Variants in DLG2 observed in about 807,000 individuals in gnomAD.
DLG2 encodes the protein discs large MAGUK scaffold protein 2.
A neutral mutation model predicts 132.5 loss-of-function variants in DLG2; 45 were observed. The observed-to-expected ratio is 0.34, with a 90% CI of 0.27 to 0.44. The LOEUF (loss-of-function observed/expected upper bound fraction) is 0.44. Among genes scored for constraint, DLG2 ranks in the 20% least tolerant of loss-of-function variants. DLG2 has a pLI of 1.00. For synonymous variants in DLG2, 424 were observed against 419.6 expected, an observed-to-expected ratio of 1.01 and a Z score of -0.13; for missense variants, 1,045 against 1,196.9, an observed-to-expected ratio of 0.87 and a Z score of 1.87.
chr11:85,501,135 C>A (rs1196795047), intron 3 of DLG2, among the ~76,000 whole-genome samples: 1 of 152,144 alleles, frequency 6.6e-6, no homozygotes, highest in African/African-American at 2.4e-5. Flanking sequence ...ACCACCTGAT[C>A]TTTGACAAAC....
chr11:84,079,216 C>T (rs187906749), intron 10 of DLG2, among the ~76,000 whole-genome samples: 5 of 151,948 alleles, frequency 3.3e-5, no homozygotes, highest in Admixed American at 2.6e-4. Flanking sequence ...TTTGCCAACA[C>T]CTTAGTTCAA....
chr11:84,410,974 T>C (rs370839742), intron 7 of DLG2, among the ~76,000 whole-genome samples: 1 of 152,194 alleles, frequency 6.6e-6, no homozygotes, highest in Non-Finnish European at 1.5e-5. Flanking sequence ...ATTTTCCTGT[T>C]CATTGTGCTT....
intron 16 of DLG2, among the ~76,000 whole-genome samples, chr11:83,835,668 G>A (rs2055940587): frequency 6.6e-6 from 1 of 152,150 alleles, no homozygotes; most frequent in African/African-American, 2.4e-5. Flanking sequence ...AAATCTAGCA[G>A]GTTAAAACCA....
intron 4 of DLG2, among the ~76,000 whole-genome samples, chr11:85,225,323 A>T (rs1595522235): frequency 6.6e-6 from 1 of 152,096 alleles, no homozygotes; most frequent in African/African-American, 2.4e-5. Flanking sequence ...GCTCATGAAG[A>T]TCCTGTCCCA....
intron 6 of DLG2, among the ~76,000 whole-genome samples, chr11:84,565,455 A>G (rs1191904386): frequency 6.6e-6 from 1 of 152,226 alleles, no homozygotes; most frequent in Non-Finnish European, 1.5e-5. Flanking sequence ...TAACTAGAAC[A>G]TAATAGTGTC....
At chr11:83,571,341 A>T (rs539546241) in intron 19 of DLG2, among the ~76,000 whole-genome samples, 2 of 114,984 alleles carry the variant, frequency 1.7e-5, no homozygotes, top group East Asian at 5.6e-4. Context: ...GGAAGTTAAA[A>T]ATTAAAAAAA....
chr11:83,668,916 T>A (rs1006516730), intron 18 of DLG2, among the ~76,000 whole-genome samples: 1 of 151,090 alleles, frequency 6.6e-6, no homozygotes, highest in Non-Finnish European at 1.5e-5. Flanking sequence ...GGAACAGTTA[T>A]TCGCTCAGCA....
chr11:84,023,159 C>CA (rs1285722164), intron 11 of DLG2, among the ~76,000 whole-genome samples: 1 of 151,766 alleles, frequency 6.6e-6, no homozygotes, highest in Non-Finnish European at 1.5e-5. Context: ...AATAGTCTGC[C>CA]AAAAATTAAG....
chr11:83,906,245 TCTCTCTCTCTCTCACACACACA>T (rs2074819469), intron 15 of DLG2, among the ~76,000 whole-genome samples: 1 of 117,146 alleles, frequency 8.5e-6, no homozygotes, highest in Non-Finnish European at 1.7e-5. Flanking sequence ...TCTCTCTCTC[TCTCTCTCTCTCTCACACACACA>T]CACACACACA....
intron 22 of DLG2, among the ~76,000 whole-genome samples, chr11:83,474,862 G>C (rs1171831128): frequency 6.6e-6 from 1 of 152,136 alleles, no homozygotes; most frequent in Non-Finnish European, 1.5e-5. Context: ...AAATCATTCT[G>C]ATGGAACGTT....
intron 6 of DLG2, among the ~76,000 whole-genome samples, chr11:84,649,645 T>G (rs1240918940): frequency 6.6e-6 from 1 of 152,178 alleles, no homozygotes; most frequent in Non-Finnish European, 1.5e-5. Flanking sequence ...AAAAATGTAT[T>G]TTCTGTAACT....
chr11:83,640,051 C>A (rs1343946618), intron 18 of DLG2, among the ~76,000 whole-genome samples: 1 of 152,132 alleles, frequency 6.6e-6, no homozygotes, highest in Non-Finnish European at 1.5e-5. Flanking sequence ...CTAATGGTGA[C>A]AGTGGCACCC....
chr11:84,812,425 C>T (rs527538468), intron 6 of DLG2, among the ~76,000 whole-genome samples: 1 of 152,176 alleles, frequency 6.6e-6, no homozygotes, highest in South Asian at 2.1e-4. Context: ...CTTTTGTGTG[C>T]ACAATAAAAT....
rs766835391 is a variant in DLG2 at position 83,593,465 on chromosome 11, AG to A, written c.1940+39745del. ...ACAATGAGATCACATGGACACAGGA[AG>A]GGGAATATCACACTCTGGGGACTGT... On this transcript the variant is annotated intron_variant, in intron 19 of 27. Transcript: ENST00000376104. Among the ~76,000 whole-genome samples, 215 of 152,026 alleles carry A rather than the reference AG, an allele frequency of 1.4e-3. 1 individual carries two copies. The highest frequency in any genetic ancestry group is 6.8e-3 in the Middle Eastern group (2 of 294).
chr11:84,673,692 TAGA>T (rs1165215419), intron 6 of DLG2, among the ~76,000 whole-genome samples: 2 of 151,766 alleles, frequency 1.3e-5, no homozygotes, highest in Non-Finnish European at 2.9e-5. Flanking sequence ...ATGGAAGAAT[TAGA>T]AGAAAATTTG....
intron 11 of DLG2, among the ~76,000 whole-genome samples, chr11:84,044,004 C>T (rs1247122640): frequency 6.6e-6 from 1 of 151,466 alleles, no homozygotes; most frequent in Non-Finnish European, 1.5e-5. Context: ...TGTCTCCTTC[C>T]TTTGCTCCCT....
chr11:84,144,000 G>C (rs2094964664), intron 9 of DLG2, among the ~76,000 whole-genome samples: 1 of 152,116 alleles, frequency 6.6e-6, no homozygotes, highest in Non-Finnish European at 1.5e-5. Flanking sequence ...GGTGGGTAGG[G>C]TGAGGAATGA....
intron 6 of DLG2, among the ~76,000 whole-genome samples, chr11:84,599,199 C>T (rs951213612): frequency 6.6e-6 from 1 of 152,112 alleles, no homozygotes; most frequent in Non-Finnish European, 1.5e-5. Context: ...GAGCCAAGAT[C>T]ATGCCATTGC....
intron 5 of DLG2, among the ~76,000 whole-genome samples, chr11:85,146,282 G>A (rs936733057): frequency 9.5e-5 from 14 of 147,902 alleles, no homozygotes; most frequent in Non-Finnish European, 1.9e-4. Flanking sequence ...TCCTGGAGTT[G>A]GGGGAGGGAT....
Sources: allele counts gnomAD v4.1 joint callset (sites outside exome capture counted in the v4.1 genomes callset), GRCh38; gene constraint gnomAD v4.1.1; transcripts MANE v1.5; gene names NCBI Gene and HGNC (gene_info 2026-07-23, HGNC 2026-07-21).